IL1RN: variants seen among roughly 807,000 people sequenced by gnomAD.
IL1RN encodes interleukin-1 receptor antagonist protein.
In IL1RN, 10 loss-of-function variants were observed where a neutral mutation model predicts 13.7. That is an observed-to-expected ratio of 0.73 (90% CI 0.45 to 1.24). The LOEUF (loss-of-function observed/expected upper bound fraction) is 1.24, where lower values mean the gene tolerates loss of function less well. IL1RN is among the 50% of genes most tolerant of loss of function. The pLI is 0.00. For missense variants in IL1RN, 213 were observed against 222.1 expected, an observed-to-expected ratio of 0.96 and a Z score of 0.26; for synonymous variants, 102 against 82.7, an observed-to-expected ratio of 1.23 and a Z score of -1.27.
upstream of IL1RN, among the ~76,000 whole-genome samples, chr2:113,116,271 G>A (rs1485803489): frequency 2.0e-5 from 3 of 152,166 alleles, no homozygotes; most frequent in African/African-American, 7.2e-5. Flanking sequence ...CTGCCCCAAT[G>A]CCCAACTTTC....
upstream of IL1RN, chr2:113,117,452 C>T (rs1686620735): frequency 6.4e-6 from 1 of 156,456 alleles, no homozygotes; most frequent in Non-Finnish European, 1.4e-5. Flanking sequence ...AAAAGCATAT[C>T]CTGCTTTGGA....
chr2:113,101,392 T>C, the IL1RN span, among the ~76,000 whole-genome samples: 2 of 152,228 alleles, frequency 1.3e-5, no homozygotes, highest in Non-Finnish European at 2.9e-5. Flanking sequence ...GATATTTTAA[T>C]ATCTCATACC....
At chr2:113,132,522 C>A in intron 3 of IL1RN, 134 bp from the exon 4 acceptor site, 2 of 761,676 alleles carry the variant, frequency 2.6e-6, no homozygotes, top group Non-Finnish European at 4.6e-6. Flanking sequence ...CACCTGGGGG[C>A]TTTTAGGGTA....
rs147288195 is a variant in IL1RN at position 113,127,707 on chromosome 2, C to G, written c.83C>G (p.Ser28Cys). Reference sequence around the variant, plus strand: ...CATTCAGAGACGATCTGCCGACCCTCTGGGAGAAAATCCAGCAAGATGCAA... The same window carrying G: ...CATTCAGAGACGATCTGCCGACCCTGTGGGAGAAAATCCAGCAAGATGCAA... ...LFHSETICRP[S>C]GRKSSKMQAF... Residue 28 changes from serine to cysteine, a missense_variant, in exon 1 of 4, where the codon TCT becomes TGT. Physicochemically the swap from Ser to Cys is moderately radical, Grantham distance 112. Transcript: ENST00000409930. 33 of 1,614,058 alleles carry G rather than the reference C, an allele frequency of 2.0e-5. No individual in the cohort carries two copies. The highest frequency in any genetic ancestry group is 2.8e-5 in the Non-Finnish European group (33 of 1,180,016).
At position 113,132,826 on chromosome 2, in the gene IL1RN, C is replaced by T. The variant is rs371472986; in HGVS notation, c.489C>T (p.Asp163=). The change falls in exon 4 of 4, where the codon GAC becomes GAT. Residue 163 remains aspartate, a synonymous_variant. Transcript: ENST00000409930. ...CCGTCAGCCTCACCAATATGCCTGA[C>T]GAAGGCGTCATGGTCACCAAATTCT... The part of the protein sequence containing the change: ...DQPVSLTNMP[D]EGVMVTKFYF... 2.5e-5 allele frequency: 41 copies of T among 1,614,122 alleles called. No homozygotes were observed. In the Admixed American group the frequency reaches 3.2e-4, roughly 12 times the overall value.
chr2:113,127,449 G>T, upstream of IL1RN: 2 of 1,403,930 alleles, frequency 1.4e-6, no homozygotes, highest in Non-Finnish European at 1.9e-6. Flanking sequence ...GCGACACTTA[G>T]TGGGGTTGAA....
chr2:113,119,485 C>T (rs935957097), intron 1 of IL1RN, among the ~76,000 whole-genome samples: 5 of 152,200 alleles, frequency 3.3e-5, no homozygotes, highest in East Asian at 3.8e-4. Context: ...AGGGGAATTG[C>T]TTTGTCAACC....
chr2:113,103,978 T>C (rs1036638766), upstream of IL1RN, among the ~76,000 whole-genome samples: 1 of 150,352 alleles, frequency 6.7e-6, no homozygotes, highest in Non-Finnish European at 1.5e-5. Context: ...TTATTTAATT[T>C]TTATGGCATC....
upstream of IL1RN, among the ~76,000 whole-genome samples, chr2:113,125,473 C>G (rs1254561792): frequency 2.0e-5 from 3 of 152,184 alleles, no homozygotes; most frequent in East Asian, 5.8e-4. Flanking sequence ...ACAGACATGC[C>G]ATTTTGCCTG....
At chr2:113,102,721 G>T (rs575560242), upstream of IL1RN, among the ~76,000 whole-genome samples, 79 of 152,182 alleles carry the variant, frequency 5.2e-4, 1 homozygote, top group South Asian at 0.016. Context: ...TTGGGCAGGC[G>T]TGGGGGTCAC....
Position 113,127,637 on chromosome 2 carries a change from A to T in IL1RN, c.13A>T (p.Arg5Ter). The stretch of plus-strand genomic sequence containing the variant: ...CTGCAGTCACAGAATGGAAATCTGC[A>T]GAGGCCTCCGCAGTCACCTAATCAC... The part of the protein sequence containing the change: MEIC[R>*]GLRSHLITLL... Residue 5 changes from arginine to a stop codon, truncating the protein, a stop_gained, in exon 1 of 4, where the codon AGA becomes TGA. Transcript: ENST00000409930. LOFTEE classifies it high-confidence loss of function. The T allele has an allele frequency of 6.2e-7, 1 of 1,614,078 alleles. No individual in the cohort carries two copies.
At chr2:113,119,095 C>G (rs2104435487) in intron 1 of IL1RN, among the ~76,000 whole-genome samples, 1 of 152,240 alleles carries the variant, frequency 6.6e-6, no homozygotes, top group South Asian at 2.1e-4. Context: ...AATGAGCAGG[C>G]CATTCTCCTT....
upstream of IL1RN, among the ~76,000 whole-genome samples, chr2:113,109,211 G>A (rs1686447738): frequency 6.6e-6 from 1 of 151,984 alleles, no homozygotes; most frequent in Non-Finnish European, 1.5e-5. Context: ...TCAGGAGTTC[G>A]AGACCAGCCT....
chr2:113,121,475 C>A lies in IL1RN; in HGVS notation c.73+1347C>A, dbSNP rs1230283141. On this transcript the variant is annotated intron_variant, in intron 2 of 5. Transcript: ENST00000259206. ...GGATTATAAAACTAATCATCAAAGC[C>A]AAGAAGGCAAGAGCAAGCATGTACC... 5 of 985,288 alleles carry A rather than the reference C, an allele frequency of 5.1e-6. No homozygotes were observed. The South Asian group carries it at 1.4e-4, about 28-fold the overall frequency. 61.0% of individuals were successfully genotyped at this position (985,288 alleles called of 1,614,324 possible).
At chr2:113,102,015 C>T in the IL1RN span, among the ~76,000 whole-genome samples, 1 of 152,218 alleles carries the variant, frequency 6.6e-6, no homozygotes, top group East Asian at 1.9e-4. Context: ...GATCTGCCCA[C>T]CTCGGTCTCC....
chr2:113,104,595 C>T (rs1158867508), upstream of IL1RN, among the ~76,000 whole-genome samples: 2 of 152,078 alleles, frequency 1.3e-5, no homozygotes, highest in African/African-American at 2.4e-5. Flanking sequence ...GCAGCTGGGG[C>T]GTTTTGGGAT....
chr2:113,113,623 C>T (rs1201245874), upstream of IL1RN, among the ~76,000 whole-genome samples: 1 of 151,106 alleles, frequency 6.6e-6, no homozygotes, highest in East Asian at 1.9e-4. Flanking sequence ...CAGGAGGACA[C>T]TTCAAAAGGT....
chr2:113,122,640 G>A (rs753052082), upstream of IL1RN, among the ~76,000 whole-genome samples: 54 of 152,134 alleles, frequency 3.5e-4, no homozygotes, highest in Admixed American at 5.9e-4. Flanking sequence ...TCTCCAACAC[G>A]ATCTTTATAA....
chr2:113,101,401 C>A, the IL1RN span, among the ~76,000 whole-genome samples: 2 of 152,118 alleles, frequency 1.3e-5, no homozygotes, highest in Non-Finnish European at 2.9e-5. Context: ...ATATCTCATA[C>A]CTGTAATCTT....
Sources: gnomAD v4.1 joint callset for allele counts (sites outside exome capture counted in the v4.1 genomes callset) on GRCh38, gnomAD v4.1.1 for gene constraint, MANE v1.5 for transcripts, NCBI Gene and HGNC (gene_info 2026-07-23, HGNC 2026-07-21) for gene names.